HECTD4: variants seen among roughly 807,000 people sequenced by gnomAD.
The protein encoded by HECTD4 is HECT domain E3 ubiquitin protein ligase 4.
HECTD4 carries 114 observed loss-of-function variants against 471.5 expected under a neutral mutation model. The ratio of observed to expected loss-of-function variants is 0.24; its 90% confidence interval spans 0.21 to 0.28. The LOEUF is 0.28. HECTD4 is among the 10% of genes least tolerant of loss of function. The pLI is 1.00. For synonymous variants in HECTD4, 2,012 were observed against 2,256.0 expected, an observed-to-expected ratio of 0.89 and a Z score of 3.07; for missense variants, 3,866 against 5,651.5, an observed-to-expected ratio of 0.68 and a Z score of 10.13.
chr12:112,365,466 C>G (rs940173769), intron 1 of HECTD4, among the ~76,000 whole-genome samples: 1 of 152,076 alleles, frequency 6.6e-6, no homozygotes, highest in Admixed American at 6.6e-5. Flanking sequence ...TTGCATGAAG[C>G]CTTCACAAAT....
chr12:112,185,928 C>T (rs1302195213), intron 60 of HECTD4, among the ~76,000 whole-genome samples: 1 of 152,228 alleles, frequency 6.6e-6, no homozygotes, highest in East Asian at 1.9e-4. Context: ...TTTTAAACTC[C>T]TCTTTTAGTC....
At chr12:112,291,781 A>G (rs2135659021) in intron 7 of HECTD4, among the ~76,000 whole-genome samples, 1 of 152,206 alleles carries the variant, frequency 6.6e-6, no homozygotes, top group East Asian at 1.9e-4. Flanking sequence ...CTGAGGCAGG[A>G]GAATGGCGTG....
chr12:112,334,030 GA>G (rs1335378714), intron 1 of HECTD4, among the ~76,000 whole-genome samples: 16 of 151,834 alleles, frequency 1.1e-4, no homozygotes, highest in Admixed American at 7.9e-4. Context: ...CCAATATGGT[GA>G]AACCCCATCT....
At chr12:112,198,746 G>A (rs958584075) in intron 55 of HECTD4, among the ~76,000 whole-genome samples, 1 of 152,190 alleles carries the variant, frequency 6.6e-6, no homozygotes, top group African/African-American at 2.4e-5. Flanking sequence ...TTATTTGTGA[G>A]TTAAAGGTCA....
At chr12:112,180,990 G>A (rs1017519892) in intron 62 of HECTD4, among the ~76,000 whole-genome samples, 2 of 151,822 alleles carry the variant, frequency 1.3e-5, no homozygotes, top group Non-Finnish European at 2.9e-5. Flanking sequence ...AATTGGGCAC[G>A]GTGGCTCACG....
At chr12:112,326,137 T>C (rs972764389) in intron 1 of HECTD4, among the ~76,000 whole-genome samples, 4 of 152,298 alleles carry the variant, frequency 2.6e-5, no homozygotes, top group African/African-American at 7.2e-5. Flanking sequence ...GAAAGTCTAA[T>C]TGAATGTGGG....
chr12:112,167,943 C>A (rs767084608), intron 70 of HECTD4, 26 bp from the exon 71 acceptor site: 1 of 1,581,504 alleles, frequency 6.3e-7, no homozygotes. Context: ...GACACATGGG[C>A]ACCTGGGGTG....
rs1223274425 is a variant in HECTD4, at chr12:112,188,186, G to C, written c.9472+2600C>G. Among the ~76,000 whole-genome samples, 3 of 152,152 alleles carry C rather than the reference G, an allele frequency of 2.0e-5. No individual in the cohort carries two copies. Among genetic ancestry groups the C allele is most frequent in the Non-Finnish European group, 4.4e-5 (3 of 68,018 alleles). Reference sequence around the variant, plus strand: ...CGCCTGTATTCCCAACTACTCAGGAGGCTGGGGCAGGAGAATCACTTGAAC... The same window carrying C: ...CGCCTGTATTCCCAACTACTCAGGACGCTGGGGCAGGAGAATCACTTGAAC... On this transcript the variant is annotated intron_variant, in intron 60 of 75. Transcript: ENST00000682272. This position sits in a 1 kb window ranked among gnomAD's most constrained non-coding sequence, Gnocchi z 4.2.
chr12:112,233,608 T>C (rs2033435451), intron 37 of HECTD4, among the ~76,000 whole-genome samples: 1 of 152,136 alleles, frequency 6.6e-6, no homozygotes, highest in African/African-American at 2.4e-5. Context: ...TATAGCACTT[T>C]AGGGCCCAAA....
rs1045634687 is a variant in HECTD4, at chr12:112,288,450, A to C, written c.1336-5148T>G. Among the ~76,000 whole-genome samples, 5 of 148,430 alleles carry C rather than the reference A, an allele frequency of 3.4e-5. No homozygotes were observed. In the South Asian group the frequency reaches 8.3e-4, roughly 25 times the overall value. On this transcript the variant is annotated intron_variant, in intron 7 of 75. Transcript: ENST00000682272. ...CAGCCTGGGCAACATGGCAAAACTC[A>C]GTCTATAAAAAAAATATAAAAATTA...
At chr12:112,279,891 A>C (rs902907693) in intron 8 of HECTD4, among the ~76,000 whole-genome samples, 15 of 152,232 alleles carry the variant, frequency 9.9e-5, no homozygotes, top group Non-Finnish European at 4.4e-5. Flanking sequence ...AAAATATTCC[A>C]GTGAACATTT....
rs761255803 is a variant in HECTD4, at chr12:112,208,481, G to T, written c.8004+13C>A. On this transcript the variant is annotated intron_variant, in intron 51 of 75. Transcript: ENST00000682272. ...TGCTGCTGAGTCCTGATCTAAGCCT[G>T]TGGGTCTCTTACCTGAGGGATGTCA... 7.6e-6 allele frequency: 12 copies of T among 1,571,310 alleles called. No individual in the cohort carries two copies. The highest frequency in any genetic ancestry group is 3.8e-5 in the Admixed American group (2 of 52,386).
intron 7 of HECTD4, chr12:112,302,774 CT>C (rs754201263): frequency 1.4e-5 from 4 of 287,574 alleles, no homozygotes; most frequent in Admixed American, 4.8e-5. Flanking sequence ...GTAGTCTGCT[CT>C]TTTTGTTTAA....
chr12:112,357,137 T>G (rs1202997107), intron 1 of HECTD4, among the ~76,000 whole-genome samples: 1 of 152,200 alleles, frequency 6.6e-6, no homozygotes, highest in African/African-American at 2.4e-5. Context: ...CAAGATCCTT[T>G]TCAGCCCCAC....
chr12:112,376,373 A>T (rs1176995827), intron 1 of HECTD4, among the ~76,000 whole-genome samples: 1 of 151,928 alleles, frequency 6.6e-6, no homozygotes. Context: ...CAGCCTCCCG[A>T]GTAGCTGGGA....
rs550943610 is a variant in HECTD4, at chr12:112,224,361, G to A, written c.6970+2282C>T. ...GCTCACTGCAAGCTCCACCTCCCGG[G>A]GTTCACGCCATTCTCCTGCCTCAGC... On this transcript the variant is annotated intron_variant, in intron 44 of 75. Transcript: ENST00000682272. Among the ~76,000 whole-genome samples, 238 of 151,944 alleles carry A rather than the reference G, an allele frequency of 1.6e-3. 1 individual carries two copies. The highest frequency in any genetic ancestry group is 3.0e-3 in the Non-Finnish European group (203 of 67,956).
At chr12:112,287,353 CAATT>C (rs1251436179) in intron 7 of HECTD4, among the ~76,000 whole-genome samples, 1 of 152,068 alleles carries the variant, frequency 6.6e-6, no homozygotes, top group Non-Finnish European at 1.5e-5. Flanking sequence ...TATAGGCTCT[CAATT>C]AATACAGAAT....
At chr12:112,207,108 GTGTGTGTGTGTATGTATGTA>G (rs1263831846) in intron 52 of HECTD4, among the ~76,000 whole-genome samples, 2,223 of 148,358 alleles carry the variant, frequency 0.015, 62 homozygotes, top group African/African-American at 0.052. Flanking sequence ...TTATGTATAT[GTGTGTGTGTGTATGTATGTA>G]TGTATGTATG....
Position 112,239,980 on chromosome 12 carries a change from G to A in HECTD4, c.5006C>T (p.Ala1669Val), listed in dbSNP as rs377629085. The A allele has an allele frequency of 9.9e-6, 16 of 1,613,870 alleles. No homozygotes were observed. In the African/African-American group the frequency reaches 1.3e-4, roughly 13 times the overall value. Residue 1669 changes from alanine (A) to valine (V), a missense_variant, in exon 33 of 76, where the codon GCC becomes GTC. Transcript: ENST00000682272. The surrounding 1 kb of genome is among the most constrained non-coding windows in gnomAD (Gnocchi z 4.9). Reference protein sequence around the residue: ...CGGMVEQVQEAFGETMTSVVS... With the variant: ...CGGMVEQVQEVFGETMTSVVS... ...AACAGAGGTCATGGTCTCGCCAAAG[G>A]CTTCCTGGACCTGCTCGACCATCCC...
Sources: gnomAD v4.1 joint callset for allele counts (sites outside exome capture counted in the v4.1 genomes callset) on GRCh38, gnomAD v4.1.1 for gene constraint, Gnocchi (gnomAD v3.1) non-coding constraint, MANE v1.5 for transcripts, NCBI Gene and HGNC (gene_info 2026-07-23, HGNC 2026-07-21) for gene names.